The following RYR2 variants were observed in gnomAD, a reference collection of about 807,000 sequenced individuals.
RYR2 encodes the protein ryanodine receptor 2.
RYR2 carries 227 observed loss-of-function variants against 601.1 expected under a neutral mutation model. That is an observed-to-expected ratio of 0.38 (90% CI 0.34 to 0.42). The LOEUF is 0.42. Among genes scored for constraint, RYR2 ranks in the 10% least tolerant of loss-of-function variants. The pLI is 1.00. For missense variants in RYR2, 4,646 were observed against 6,156.5 expected (o/e 0.75, Z 8.21); for synonymous variants, 2,223 against 2,175.1 (o/e 1.02, Z -0.61).
At chr1:237,053,992 C>T (rs942595789) in intron 1 of RYR2, among the ~76,000 whole-genome samples, 4 of 152,200 alleles carry the variant, frequency 2.6e-5, no homozygotes, top group African/African-American at 9.7e-5. Context: ...AGCTGCAATT[C>T]ATTTGATTCC....
intron 1 of RYR2, among the ~76,000 whole-genome samples, chr1:237,184,240 A>G (rs1188058910): frequency 1.3e-5 from 2 of 151,548 alleles, no homozygotes; most frequent in Non-Finnish European, 2.9e-5. Context: ...GTTGGTTCCC[A>G]GGAGCAGAGG....
Position 237,499,472 on chromosome 1 carries a change from A to G in RYR2, c.2204-1239A>G, listed in dbSNP as rs186072424. On this transcript the variant is annotated intron_variant, in intron 20 of 104. Transcript: ENST00000366574. ...TCCCTCCAAGTGAAAAATATATTTG[A>G]TTATAATAGATATCGTGTAAATAAC... Among the ~76,000 whole-genome samples, 441 of 152,342 alleles carry G rather than the reference A, an allele frequency of 2.9e-3. 5 individuals carry two copies. The highest frequency in any genetic ancestry group is 1.9e-3 in the South Asian group (9 of 4,832).
rs1660641079 is a variant in RYR2, at chr1:237,470,862, AAGAG to A, written c.1708+1680_1708+1683del. Among the ~76,000 whole-genome samples the A allele has an allele frequency of 2.0e-5, 3 of 151,870 alleles. No homozygotes were observed. The South Asian group carries it at 6.2e-4, about 32-fold the overall frequency. ...AAAGAGAGAGAGGGAGAGATAGGGA[AAGAG>A]AGAGGAAGAGATAGGGGCAGAGAGG... On this transcript the variant is annotated intron_variant, in intron 17 of 104. Transcript: ENST00000366574.
At chr1:237,262,504 G>A (rs1211909271) in intron 1 of RYR2, among the ~76,000 whole-genome samples, 11 of 151,892 alleles carry the variant, frequency 7.2e-5, no homozygotes, top group African/African-American at 1.7e-4. Flanking sequence ...TGATCCACCC[G>A]CCTCGGCCTC....
intron 67 of RYR2, among the ~76,000 whole-genome samples, chr1:237,706,722 A>G (rs1688412434): frequency 6.6e-6 from 1 of 152,148 alleles, no homozygotes; most frequent in South Asian, 2.1e-4. Context: ...TTTGCTGTAA[A>G]GTAGGAGGAA....
intron 80 of RYR2, among the ~76,000 whole-genome samples, chr1:237,744,349 T>TATAAAAAAA (rs1691874433): frequency 1.4e-5 from 2 of 141,088 alleles, no homozygotes; most frequent in South Asian, 4.7e-4. Flanking sequence ...TTTGTTTGTT[T>TATAAAAAAA]AAAAAAAAAA....
At chr1:237,789,347 A>G (rs1558418310) in intron 92 of RYR2, among the ~76,000 whole-genome samples, 2 of 152,184 alleles carry the variant, frequency 1.3e-5, no homozygotes, top group Non-Finnish European at 1.5e-5. Flanking sequence ...GTTATGTATT[A>G]TATATTTTAT....
intron 1 of RYR2, among the ~76,000 whole-genome samples, chr1:237,141,559 C>A (rs987856983): frequency 6.6e-6 from 1 of 152,132 alleles, no homozygotes; most frequent in African/African-American, 2.4e-5. Flanking sequence ...ATAATGCCTC[C>A]CCTGGTTCCC....
chr1:237,528,415 C>T (rs1352412983), intron 24 of RYR2, among the ~76,000 whole-genome samples: 1 of 152,132 alleles, frequency 6.6e-6, no homozygotes, highest in African/African-American at 2.4e-5. Flanking sequence ...CAGGCATCCA[C>T]TGGGAGTCCT....
At chr1:237,269,044 T>TTTTTTTC (rs1454772830) in intron 1 of RYR2, among the ~76,000 whole-genome samples, 1 of 56,864 alleles carries the variant, frequency 1.8e-5, no homozygotes, top group African/African-American at 4.2e-5. Context: ...AGCATATTCT[T>TTTTTTTC]TTTTTTTTTT....
intron 3 of RYR2, among the ~76,000 whole-genome samples, chr1:237,353,068 T>C (rs527374179): frequency 2.6e-5 from 4 of 152,344 alleles, no homozygotes; most frequent in East Asian, 3.9e-4. Flanking sequence ...TTTTCTAGTA[T>C]GTAAAATGCA....
At chr1:237,719,958 G>A (rs1358754233) in intron 73 of RYR2, among the ~76,000 whole-genome samples, 1 of 152,218 alleles carries the variant, frequency 6.6e-6, no homozygotes, top group Non-Finnish European at 1.5e-5. Flanking sequence ...AGGAATAAGT[G>A]AGTTTACCTA....
At chr1:237,377,238 G>C (rs1455878442) in intron 7 of RYR2, 85 bp from the exon 8 acceptor site, 2 of 898,754 alleles carry the variant, frequency 2.2e-6, no homozygotes, top group Non-Finnish European at 3.3e-6. Flanking sequence ...ATTTCTGAAA[G>C]TTGTGTGTTG....
chr1:237,718,413 A>T lies in RYR2; in HGVS notation c.10495-49A>T, dbSNP rs760843659. On this transcript the variant is annotated intron_variant, in intron 72 of 104. Transcript: ENST00000366574. Reference sequence around the variant, plus strand: ...TGGATTGTTTCTATTGACTTGTGACAGTTGATGCAATAGAAGACTCCTTTT... The same window carrying T: ...TGGATTGTTTCTATTGACTTGTGACTGTTGATGCAATAGAAGACTCCTTTT... The T allele has an allele frequency of 5.5e-6, 5 of 912,428 alleles. No individual in the cohort carries two copies. In the East Asian group the frequency reaches 1.2e-4, roughly 23 times the overall value. The allele number at this position is 912,428 out of a possible 1,614,324, so 56.5% of individuals were successfully genotyped here.
At chr1:237,158,503 A>G (rs928850547) in intron 1 of RYR2, among the ~76,000 whole-genome samples, 1 of 152,144 alleles carries the variant, frequency 6.6e-6, no homozygotes, top group African/African-American at 2.4e-5. Context: ...CTCATTAGAC[A>G]TTTATCTATA....
intron 17 of RYR2, among the ~76,000 whole-genome samples, chr1:237,482,366 C>T (rs1662210735): frequency 6.6e-6 from 1 of 152,070 alleles, no homozygotes; most frequent in Admixed American, 6.6e-5. Flanking sequence ...CTACCCTTCC[C>T]AGCCTCTGGT....
At chr1:237,386,597 C>A (rs1701974911) in intron 8 of RYR2, among the ~76,000 whole-genome samples, 1 of 152,126 alleles carries the variant, frequency 6.6e-6, no homozygotes, top group South Asian at 2.1e-4. Flanking sequence ...GTAAAATAAG[C>A]AAGTAATTTT....
At chr1:237,057,327 AG>A (rs1662285232) in intron 1 of RYR2, among the ~76,000 whole-genome samples, 1 of 152,090 alleles carries the variant, frequency 6.6e-6, no homozygotes, top group South Asian at 2.1e-4. Flanking sequence ...CTGGGACTAC[AG>A]GTGTGTGTCA....
chr1:237,712,260 G>A (rs1374301308), intron 71 of RYR2, among the ~76,000 whole-genome samples: 1 of 152,038 alleles, frequency 6.6e-6, no homozygotes, highest in South Asian at 2.1e-4. Flanking sequence ...CTTTTCAGGG[G>A]CTCCACATCA....
Sources: allele counts gnomAD v4.1 joint callset (sites outside exome capture counted in the v4.1 genomes callset), GRCh38; gene constraint gnomAD v4.1.1; transcripts MANE v1.5; gene names NCBI Gene and HGNC (gene_info 2026-07-23, HGNC 2026-07-21).